The following PCNX2 variants were observed in gnomAD, a reference collection of about 807,000 sequenced individuals.
PCNX2 encodes pecanex 2, also known as pecanex-like protein 2.
A neutral mutation model predicts 223.8 loss-of-function variants in PCNX2; 168 were observed. The observed-to-expected ratio is 0.75, with a 90% CI of 0.66 to 0.85. The LOEUF (loss-of-function observed/expected upper bound fraction) is 0.85, where lower values mean the gene tolerates loss of function less well. Ranked by LOEUF, PCNX2 falls within the 40% of genes least tolerant of loss-of-function variation. PCNX2 has a pLI of 0.00. For missense variants in PCNX2, 2,507 were observed against 2,675.5 expected, an observed-to-expected ratio of 0.94 and a Z score of 1.39; for synonymous variants, 1,006 against 1,052.6, an observed-to-expected ratio of 0.96 and a Z score of 0.86.
chr1:233,207,018 AAAG>A (rs58751327), intron 13 of PCNX2, among the ~76,000 whole-genome samples: 90 of 150,562 alleles, frequency 6.0e-4, no homozygotes, highest in East Asian at 1.8e-3. Context: ...CAAAAAAAAA[AAAG>A]AAGAAGAAGA....
At chr1:233,204,292 T>A (rs1250162366) in intron 13 of PCNX2, among the ~76,000 whole-genome samples, 1 of 152,150 alleles carries the variant, frequency 6.6e-6, no homozygotes, top group African/African-American at 2.4e-5. Flanking sequence ...GGTCCTTCTT[T>A]AATGCTTTCA....
chr1:233,291,864 T>G (rs150075776), intron 1 of PCNX2: 1 of 985,324 alleles, frequency 1.0e-6, no homozygotes, highest in Non-Finnish European at 1.2e-6. Context: ...AACTGTGTAT[T>G]TGACATGAGG....
chr1:233,224,348 T>C (rs1285270513), intron 10 of PCNX2, among the ~76,000 whole-genome samples: 1 of 152,212 alleles, frequency 6.6e-6, no homozygotes, highest in Non-Finnish European at 1.5e-5. Flanking sequence ...GGCAAATAGC[T>C]GGAACTGCAA....
chr1:233,243,716 G>C (rs1455626886), intron 8 of PCNX2, among the ~76,000 whole-genome samples: 1 of 152,220 alleles, frequency 6.6e-6, no homozygotes, highest in Non-Finnish European at 1.5e-5. Flanking sequence ...TCACAGTGCA[G>C]TTTACCTGAA....
At chr1:233,109,795 C>A (rs1369280676) in intron 21 of PCNX2, among the ~76,000 whole-genome samples, 1 of 152,160 alleles carries the variant, frequency 6.6e-6, no homozygotes, top group East Asian at 1.9e-4. Flanking sequence ...AATAAATTTC[C>A]AAAATGACAG....
chr1:233,213,274 A>T (rs959153015), intron 12 of PCNX2, among the ~76,000 whole-genome samples: 6 of 152,174 alleles, frequency 3.9e-5, no homozygotes, highest in Non-Finnish European at 8.8e-5. Context: ...AATCTGAGAA[A>T]TGGTCACAGC....
At chr1:233,035,618 T>C (rs1336444243) in intron 25 of PCNX2, among the ~76,000 whole-genome samples, 1 of 152,170 alleles carries the variant, frequency 6.6e-6, no homozygotes, top group African/African-American at 2.4e-5. Flanking sequence ...TTCTTAGACA[T>C]AGATAGAGCT....
At chr1:233,115,909 T>G (rs555778697) in intron 21 of PCNX2, among the ~76,000 whole-genome samples, 1 of 152,216 alleles carries the variant, frequency 6.6e-6, no homozygotes, top group East Asian at 1.9e-4. Flanking sequence ...ATGCTGTCTA[T>G]GTAATGATAT....
chr1:233,177,758 G>T (rs1679562487), intron 17 of PCNX2, 44 bp downstream of exon 17: 1 of 1,517,832 alleles, frequency 6.6e-7, no homozygotes, highest in Non-Finnish European at 9.1e-7. Flanking sequence ...TCTGCTGAAA[G>T]ATGAGGCCCT....
intron 28 of PCNX2, among the ~76,000 whole-genome samples, chr1:233,006,349 T>A (rs546615867): frequency 6.6e-6 from 1 of 152,264 alleles, no homozygotes; most frequent in African/African-American, 2.4e-5. Context: ...TCATATGACA[T>A]AGCTGGTGGC....
chr1:233,210,190 C>T (rs957290189), intron 12 of PCNX2, among the ~76,000 whole-genome samples: 2 of 152,178 alleles, frequency 1.3e-5, no homozygotes, highest in Non-Finnish European at 2.9e-5. Flanking sequence ...AGCCTGCCCT[C>T]ATCACCATGT....
chr1:232,999,293 A>G lies in PCNX2; in HGVS notation c.5415T>C (p.Ser1805=), dbSNP rs1229772181. The G allele has an allele frequency of 1.9e-6, 3 of 1,611,554 alleles. No individual in the cohort carries two copies. The highest frequency in any genetic ancestry group is 1.7e-5 in the Admixed American group (1 of 59,598). The change falls in exon 31 of 34, where the codon AGT becomes AGC. Residue 1805 remains serine, a synonymous_variant. Coordinates refer to ENST00000258229, the MANE Select transcript of PCNX2 (RefSeq NM_014801.4). ...FLRNRNPERG[S]IQNNKQVLRN... ...GCAGGACCTGCTTATTGTTCTGGAT[A>G]CTGCCGCGCTCCGGATTGCGGTTGC...
intron 28 of PCNX2, among the ~76,000 whole-genome samples, chr1:233,009,802 C>A (rs1043742342): frequency 6.6e-6 from 1 of 152,172 alleles, no homozygotes; most frequent in African/African-American, 2.4e-5. Context: ...ACCAGAGAAC[C>A]TGGGGTCTCC....
chr1:233,160,236 C>T (rs763892128), intron 19 of PCNX2, 47 bp downstream of exon 19: 83 of 1,566,106 alleles, frequency 5.3e-5, no homozygotes, highest in Non-Finnish European at 6.8e-5. Flanking sequence ...TTAATGTATA[C>T]CTACCCCTCC....
rs1373340491 is a variant in PCNX2 at position 233,198,935 on chromosome 1, C to T, written c.3066+4G>A. On this transcript the variant is annotated splice_donor_region_variant and intron_variant, in intron 15 of 33. Transcript: ENST00000258229. ...GGATGAGGGCCCATGGTCCTCACAC[C>T]TACCTTCACTGCACTGAAGCAGACT... The T allele has an allele frequency of 6.3e-7, 1 of 1,599,968 alleles. No homozygotes were observed. The highest frequency in any genetic ancestry group is 1.7e-5 in the Admixed American group (1 of 58,190).
chr1:233,258,661 T>C lies in PCNX2; in HGVS notation c.1201A>G (p.Thr401Ala). ...TCAGACTTTACACTGGTCTTCTCTGTGCCAACCACCCTCAGGTGGAGGGAG... is the reference window on the plus strand; with the variant it reads ...TCAGACTTTACACTGGTCTTCTCTGCGCCAACCACCCTCAGGTGGAGGGAG... The part of the protein sequence containing the change: ...ESSLHLRVVG[T>A]EKTSVKSDAE... The change falls in exon 5 of 34, where the codon ACA (threonine) becomes GCA (alanine). Residue 401 changes from threonine to alanine, a missense_variant. Around this residue, in one of 3 missense-constraint regions of PCNX2, gnomAD observed 1,031 missense variants for 1,021.7 expected, o/e 1.01. Coordinates refer to ENST00000258229, the MANE Select transcript of PCNX2 (RefSeq NM_014801.4). The C allele has an allele frequency of 1.9e-6, 3 of 1,613,978 alleles. No individual in the cohort carries two copies. The highest frequency in any genetic ancestry group is 2.2e-5 in the South Asian group (2 of 91,086).
chr1:233,205,828 G>C (rs1163756457), intron 13 of PCNX2, among the ~76,000 whole-genome samples: 2 of 152,180 alleles, frequency 1.3e-5, no homozygotes, highest in Admixed American at 6.5e-5. Context: ...AAGCATGCAG[G>C]GTCTCTGCTT....
At chr1:233,027,639 C>G (rs1340754424) in intron 25 of PCNX2, among the ~76,000 whole-genome samples, 3 of 152,148 alleles carry the variant, frequency 2.0e-5, no homozygotes, top group Non-Finnish European at 4.4e-5. Context: ...AAACTTACGT[C>G]AAGGGTCACT....
At chr1:233,128,481 T>C (rs557405288) in intron 21 of PCNX2, among the ~76,000 whole-genome samples, 8 of 152,146 alleles carry the variant, frequency 5.3e-5, no homozygotes, top group African/African-American at 1.7e-4. Flanking sequence ...ATTACAGGCA[T>C]GTGGCACCAC....
Sources: gnomAD v4.1 joint callset for allele counts (sites outside exome capture counted in the v4.1 genomes callset) on GRCh38, gnomAD v4.1.1 for gene constraint, gnomAD v4.1.1 regional missense constraint, MANE v1.5 for transcripts, NCBI Gene and HGNC (gene_info 2026-07-23, HGNC 2026-07-21) for gene names.